The following NAALADL2 variants were observed in gnomAD, a reference collection of about 807,000 sequenced individuals.
NAALADL2 encodes the protein N-acetylated alpha-linked acidic dipeptidase like 2.
In NAALADL2, 76 loss-of-function variants were observed where a neutral mutation model predicts 87.2. The ratio of observed to expected loss-of-function variants is 0.87; its 90% CI spans 0.72 to 1.05. The LOEUF (loss-of-function observed/expected upper bound fraction) is 1.05. Ranked by LOEUF, NAALADL2 falls within the 50% of genes least tolerant of loss-of-function variation. NAALADL2 has a pLI of 0.00. For synonymous variants in NAALADL2, 354 were observed against 331.0 expected, an observed-to-expected ratio of 1.07 and a Z score of -0.75; for missense variants, 1,089 against 945.8, an observed-to-expected ratio of 1.15 and a Z score of -1.99.
At chr3:174,562,160 A>T (rs1713700396) in intron 2 of NAALADL2, among the ~76,000 whole-genome samples, 1 of 152,192 alleles carries the variant, frequency 6.6e-6, no homozygotes, top group Non-Finnish European at 1.5e-5. Context: ...TAATTTCAGT[A>T]CTATATTTAA....
At chr3:174,727,146 T>C (rs1247117814) in intron 2 of NAALADL2, among the ~76,000 whole-genome samples, 3 of 152,088 alleles carry the variant, frequency 2.0e-5, no homozygotes, top group Admixed American at 2.0e-4. Flanking sequence ...AATTTTTATA[T>C]AAATATATGT....
At chr3:174,614,764 C>A (rs564654589) in intron 2 of NAALADL2, among the ~76,000 whole-genome samples, 9 of 152,038 alleles carry the variant, frequency 5.9e-5, no homozygotes, top group Admixed American at 2.0e-4. Flanking sequence ...ATAGGTGAAG[C>A]CTTCCATTTT....
At chr3:175,707,910 C>T (rs530124946) in intron 11 of NAALADL2, among the ~76,000 whole-genome samples, 14 of 151,966 alleles carry the variant, frequency 9.2e-5, no homozygotes, top group African/African-American at 3.4e-4. Flanking sequence ...GAGAATATAG[C>T]ACAAGTGCAT....
At chr3:174,674,863 C>A (rs1298715443) in intron 2 of NAALADL2, among the ~76,000 whole-genome samples, 1 of 152,010 alleles carries the variant, frequency 6.6e-6, no homozygotes, top group African/African-American at 2.4e-5. Context: ...TATTTTTAAA[C>A]CAGTCAAACC....
rs1381053793 is a variant in NAALADL2 at position 175,363,085 on chromosome 3, CTTGT to C, written c.1090+38771_1090+38774del. Among the ~76,000 whole-genome samples, 2 of 147,144 alleles carry C rather than the reference CTTGT, an allele frequency of 1.4e-5. 1 individual carries two copies. Among genetic ancestry groups the C allele is most frequent in the Non-Finnish European group, 3.0e-5 (2 of 66,308 alleles). On this transcript the variant is annotated intron_variant, in intron 5 of 13. Coordinates refer to ENST00000454872, the MANE Select transcript of NAALADL2 (RefSeq NM_207015.3). ...GTATTATCTTGTTGTATTCTCTTAT[CTTGT>C]TTGTTTGTTTCTGTCCCTGGAATGT...
chr3:175,713,580 C>G (rs1002959511), intron 11 of NAALADL2, among the ~76,000 whole-genome samples: 2 of 152,040 alleles, frequency 1.3e-5, no homozygotes, highest in African/African-American at 4.8e-5. Context: ...TTTAGAATAT[C>G]AAGTACAAAT....
chr3:175,674,104 G>C (rs765444424), intron 11 of NAALADL2, among the ~76,000 whole-genome samples: 6 of 151,840 alleles, frequency 4.0e-5, no homozygotes, highest in Non-Finnish European at 8.8e-5. Context: ...TCCCTGCTTC[G>C]TAAGGTGTTA....
intron 5 of NAALADL2, among the ~76,000 whole-genome samples, chr3:175,439,314 A>ATTT (rs201722612): frequency 4.1e-5 from 6 of 147,776 alleles, no homozygotes; most frequent in African/African-American, 1.5e-4. Flanking sequence ...ATGTGCAAGT[A>ATTT]TTTTTTTTTT....
chr3:175,067,110 T>C (rs1036085975), intron 1 of NAALADL2, among the ~76,000 whole-genome samples: 5 of 152,084 alleles, frequency 3.3e-5, no homozygotes, highest in Non-Finnish European at 7.4e-5. Context: ...CTCTTAAAGA[T>C]TTAAATGTAA....
chr3:175,644,220 T>G (rs62284546), intron 11 of NAALADL2, among the ~76,000 whole-genome samples: 27,099 of 152,084 alleles, frequency 0.18, 2,592 homozygotes, highest in African/African-American at 0.24. Flanking sequence ...GTTGAAAATA[T>G]CTGCTCTCAG....
chr3:174,858,640 A>T (rs1455498916), upstream of NAALADL2, among the ~76,000 whole-genome samples: 26 of 152,090 alleles, frequency 1.7e-4, no homozygotes, highest in Non-Finnish European at 2.2e-4. Flanking sequence ...GCAGTTCAGC[A>T]TTCATTCCAC....
At chr3:175,404,434 C>T (rs1711917701) in intron 5 of NAALADL2, among the ~76,000 whole-genome samples, 1 of 152,122 alleles carries the variant, frequency 6.6e-6, no homozygotes, top group Non-Finnish European at 1.5e-5. Context: ...CGTCGAATAG[C>T]CACAACTTCT....
At chr3:174,645,396 A>G (rs1274980589) in intron 2 of NAALADL2, among the ~76,000 whole-genome samples, 3 of 152,154 alleles carry the variant, frequency 2.0e-5, no homozygotes, top group East Asian at 3.9e-4. Flanking sequence ...AGCTCGGAGG[A>G]ATAGGCATTT....
At chr3:175,591,444 A>AT (rs747159739) in intron 10 of NAALADL2, among the ~76,000 whole-genome samples, 1,720 of 147,410 alleles carry the variant, frequency 0.012, 20 homozygotes, top group Non-Finnish European at 0.017. Flanking sequence ...AACAGAAAAT[A>AT]ATTTTTTTTT....
intron 1 of NAALADL2, among the ~76,000 whole-genome samples, chr3:174,942,731 C>T (rs867426037): frequency 2.8e-4 from 43 of 152,086 alleles, no homozygotes; most frequent in Admixed American, 8.5e-4. Context: ...TTGTTTGCTC[C>T]GTTTTATTAT....
At chr3:175,765,249 A>G (rs553001387) in intron 13 of NAALADL2, among the ~76,000 whole-genome samples, 5 of 152,284 alleles carry the variant, frequency 3.3e-5, no homozygotes, top group East Asian at 1.9e-4. Context: ...GCTGATCATT[A>G]TATACATTCC....
intron 2 of NAALADL2, among the ~76,000 whole-genome samples, chr3:174,628,474 C>CAAAAAAAAAAAA (rs5854584): frequency 1.2e-5 from 1 of 86,600 alleles, no homozygotes; most frequent in African/African-American, 4.5e-5. Flanking sequence ...GAGACTGTCT[C>CAAAAAAAAAAAA]AAAAAAAAAA....
Position 174,764,452 on chromosome 3 carries a change from A to C in NAALADL2, c.-9+26706A>C, listed in dbSNP as rs1481351740. Among the ~76,000 whole-genome samples the C allele has an allele frequency of 3.9e-5, 6 of 152,172 alleles. No homozygotes were observed. The East Asian group carries it at 1.2e-3, about 29-fold the overall frequency. On this transcript the variant is annotated intron_variant, in intron 3 of 3. Coordinates refer to the NAALADL2 transcript ENST00000434257. ...TGGTGAAACCCTGTCTCTACTAAAA[A>C]TACTAAAATTAGCCAGGTGTGGTGG...
At chr3:174,619,286 A>G (rs557519566) in intron 2 of NAALADL2, among the ~76,000 whole-genome samples, 3 of 151,902 alleles carry the variant, frequency 2.0e-5, no homozygotes, top group Non-Finnish European at 4.4e-5. Flanking sequence ...AGCTTGAACA[A>G]CCTTTTCAAT....
Sources: gnomAD v4.1 joint callset for allele counts (sites outside exome capture counted in the v4.1 genomes callset) on GRCh38, gnomAD v4.1.1 for gene constraint, MANE v1.5 for transcripts, NCBI Gene and HGNC (gene_info 2026-07-23, HGNC 2026-07-21) for gene names.